The following FAT3 variants were observed in gnomAD, a reference collection of about 807,000 sequenced individuals.
The protein encoded by FAT3 is FAT atypical cadherin 3, also known as protocadherin Fat 3.
A neutral mutation model predicts 310.2 loss-of-function variants in FAT3; 95 were observed. The observed-to-expected ratio is 0.31, with a 90% confidence interval of 0.26 to 0.36. The LOEUF is 0.36. Among genes scored for constraint, FAT3 ranks in the 10% least tolerant of loss-of-function variants. The probability of loss-of-function intolerance (pLI) is 1.00; values close to 1 mark genes in which losing one functional copy is unlikely to be tolerated. For missense variants in FAT3, 5,408 were observed against 5,715.6 expected (o/e 0.95, Z 1.74); for synonymous variants, 2,314 against 2,192.9 (o/e 1.06, Z -1.54).
intron 7 of FAT3, among the ~76,000 whole-genome samples, chr11:92,779,053 C>T (rs1275322454): frequency 6.6e-6 from 1 of 151,926 alleles, no homozygotes; most frequent in African/African-American, 2.4e-5. Context: ...GTTTCTGGCA[C>T]AGGGGGATGA....
chr11:92,636,781 TG>T (rs1941782819), intron 3 of FAT3, among the ~76,000 whole-genome samples: 1 of 152,244 alleles, frequency 6.6e-6, no homozygotes, highest in Non-Finnish European at 1.5e-5. Context: ...AGCCTGTTTC[TG>T]TCAAAGGAAC....
intron 3 of FAT3, among the ~76,000 whole-genome samples, chr11:92,597,340 T>C (rs1323327971): frequency 1.3e-5 from 2 of 152,232 alleles, no homozygotes; most frequent in Non-Finnish European, 2.9e-5. Flanking sequence ...ATCATTATTC[T>C]TGATTCATAG....
rs547332052 is a variant in FAT3, at chr11:92,752,005, G to A, written c.3670-9851G>A. Among the ~76,000 whole-genome samples, 154 of 152,180 alleles carry A rather than the reference G, an allele frequency of 1.0e-3. 1 individual carries two copies. The highest frequency in any genetic ancestry group is 3.6e-3 in the African/African-American group (148 of 41,522). On this transcript the variant is annotated intron_variant, in intron 4 of 27. Coordinates refer to ENST00000525166, the MANE Select transcript of FAT3 (RefSeq NM_001367949.2). ...ATCAAGCAGAGGACTGAGCAAAGCA[G>A]GCGTGCAATAAGTGCTATCAGTATA...
chr11:92,606,866 A>G (rs938726977), intron 3 of FAT3, among the ~76,000 whole-genome samples: 5 of 152,144 alleles, frequency 3.3e-5, no homozygotes, highest in African/African-American at 1.2e-4. Context: ...CCTCACTTCC[A>G]TTTTGTATCA....
At chr11:92,471,115 T>C (rs1439308697) in intron 2 of FAT3, among the ~76,000 whole-genome samples, 2 of 152,228 alleles carry the variant, frequency 1.3e-5, no homozygotes, top group African/African-American at 4.8e-5. Context: ...ATATTTACTT[T>C]TTATGACTAT....
rs1330490905 is a variant in FAT3 at position 92,354,046 on chromosome 11, A to G, written c.1934A>G (p.Lys645Arg). ...AAATCACTGACAAATTCTGGCATTA[A>G]AAATGGCAATTTTGCCCTCAGAATT... Reference protein sequence around the residue: ...LKKSLTNSGIKNGNFALRITA... With the variant: ...LKKSLTNSGIRNGNFALRITA... Residue 645 changes from lysine to arginine, a missense_variant, in exon 2 of 28, where the codon AAA becomes AGA. Around this residue, in one of 5 missense-constraint regions of FAT3, gnomAD observed 4,588 missense variants for 4,809.8 expected, o/e 0.95. Transcript: ENST00000525166. 6.2e-7 allele frequency: 1 copy of G among 1,613,532 alleles called. No homozygotes were observed. Among genetic ancestry groups the G allele is most frequent in the African/African-American group, 1.3e-5 (1 of 75,048 alleles).
At chr11:92,385,053 C>A (rs1466717397) in intron 2 of FAT3, among the ~76,000 whole-genome samples, 1 of 152,144 alleles carries the variant, frequency 6.6e-6, no homozygotes, top group Non-Finnish European at 1.5e-5. Flanking sequence ...ATGGGCACAC[C>A]TAATGCCTCC....
chr11:92,687,583 C>T (rs962424506), intron 3 of FAT3, among the ~76,000 whole-genome samples: 1 of 152,128 alleles, frequency 6.6e-6, no homozygotes, highest in Non-Finnish European at 1.5e-5. Context: ...TGTAGTGATT[C>T]TTATATGTGT....
intron 1 of FAT3, among the ~76,000 whole-genome samples, chr11:92,297,947 A>G (rs1221615033): frequency 6.6e-6 from 1 of 152,184 alleles, no homozygotes; most frequent in Non-Finnish European, 1.5e-5. Context: ...TCTGTCCAGC[A>G]TTAGCTGGAC....
intron 1 of FAT3, among the ~76,000 whole-genome samples, chr11:92,349,143 C>T (rs1342765792): frequency 1.3e-5 from 2 of 152,130 alleles, no homozygotes; most frequent in African/African-American, 4.8e-5. Flanking sequence ...ATTACTGTTA[C>T]AGGAAGTCTT....
chr11:92,889,339 G>A, intron 26 of FAT3, 91 bp downstream of exon 26: 4 of 567,390 alleles, frequency 7.0e-6, no homozygotes, highest in Non-Finnish European at 6.5e-6. Context: ...TGGCCACAGA[G>A]GGGGCAATAA....
intron 2 of FAT3, among the ~76,000 whole-genome samples, chr11:92,502,679 C>T (rs572705599): frequency 6.6e-6 from 1 of 152,170 alleles, no homozygotes; most frequent in African/African-American, 2.4e-5. Flanking sequence ...ATCTTCCTAA[C>T]AATTGCAACT....
chr11:92,238,295 A>G (rs1413943101), intron 1 of FAT3, among the ~76,000 whole-genome samples: 2 of 152,124 alleles, frequency 1.3e-5, no homozygotes, highest in Admixed American at 6.6e-5. Flanking sequence ...AATGTGAAAC[A>G]TATTAACTTA....
At chr11:92,376,706 A>G (rs552493694) in intron 2 of FAT3, among the ~76,000 whole-genome samples, 1 of 152,074 alleles carries the variant, frequency 6.6e-6, no homozygotes, top group Non-Finnish European at 1.5e-5. Flanking sequence ...AGAATCCCTC[A>G]CTTTGGATAG....
At chr11:92,541,730 G>A (rs773084626) in intron 3 of FAT3, among the ~76,000 whole-genome samples, 16 of 152,070 alleles carry the variant, frequency 1.1e-4, no homozygotes, top group Non-Finnish European at 1.6e-4. Context: ...TCCTACCTCT[G>A]TGAAACTGTC....
chr11:92,278,875 G>C (rs1946349907), intron 1 of FAT3, among the ~76,000 whole-genome samples: 1 of 152,104 alleles, frequency 6.6e-6, no homozygotes, highest in South Asian at 2.1e-4. Context: ...ACCTGGAGTA[G>C]GATATGGTCC....
intron 3 of FAT3, among the ~76,000 whole-genome samples, chr11:92,552,459 A>G (rs914486303): frequency 3.9e-5 from 6 of 152,196 alleles, no homozygotes; most frequent in Admixed American, 2.6e-4. Flanking sequence ...AACAAAAAAT[A>G]TTCTATTTTT....
rs776667113 is a variant in FAT3, at chr11:92,459,961, A to C, written c.3293-64673A>C. On this transcript the variant is annotated intron_variant, in intron 2 of 27. Transcript: ENST00000525166. ...AGAAGCTATGGTTTGTGTATGGCAC[A>C]AAAAAAAAATAAGAAAAAAGAAAAT... Among the ~76,000 whole-genome samples, 14 of 144,968 alleles carry C rather than the reference A, an allele frequency of 9.7e-5. 1 individual carries two copies. The Middle Eastern group carries it at 0.014, about 142-fold the overall frequency.
intron 11 of FAT3, among the ~76,000 whole-genome samples, chr11:92,805,707 A>G (rs1287441778): frequency 6.6e-6 from 1 of 152,232 alleles, no homozygotes; most frequent in African/African-American, 2.4e-5. Context: ...TAACTTGTTT[A>G]TATAAGTTTA....
Sources: allele counts gnomAD v4.1 joint callset (sites outside exome capture counted in the v4.1 genomes callset), GRCh38; gene constraint gnomAD v4.1.1; regional missense constraint gnomAD v4.1.1; transcripts MANE v1.5; gene names NCBI Gene and HGNC (gene_info 2026-07-23, HGNC 2026-07-21).